NR6A1: variants seen among roughly 807,000 people sequenced by gnomAD.
The protein encoded by NR6A1 is nuclear receptor subfamily 6 group A member 1.
In NR6A1, 7 loss-of-function variants were observed where a neutral mutation model predicts 59.1. The ratio of observed to expected loss-of-function variants is 0.12; its 90% CI spans 0.07 to 0.22. The LOEUF (loss-of-function observed/expected upper bound fraction) is 0.22. Among genes scored for constraint, NR6A1 ranks in the 10% least tolerant of loss-of-function variants. The probability of loss-of-function intolerance (pLI) is 1.00; values close to 1 mark genes in which losing one functional copy is unlikely to be tolerated. For synonymous variants in NR6A1, 243 were observed against 236.1 expected, an observed-to-expected ratio of 1.03 and a Z score of -0.27; for missense variants, 468 against 611.6, an observed-to-expected ratio of 0.77 and a Z score of 2.48.
chr9:124,743,720 G>C (rs1030080576), intron 1 of NR6A1, among the ~76,000 whole-genome samples: 6 of 152,188 alleles, frequency 3.9e-5, no homozygotes, highest in African/African-American at 1.4e-4. Context: ...AGCTTTCAAG[G>C]CTGTAGCTAT....
chr9:124,540,075 G>A lies in NR6A1; in HGVS notation c.554C>T (p.Ser185Leu), dbSNP rs1307592616. Residue 185 changes from serine (S) to leucine (L), a missense_variant, in exon 5 of 10, where the codon TCG becomes TTG. Physicochemically the swap from Ser to Leu is moderately radical, Grantham distance 145. Around this residue, in one of 4 missense-constraint regions of NR6A1, gnomAD observed 151 missense variants for 142.8 expected, o/e 1.06. Transcript: ENST00000487099. ...SDHSSPGNRA[S>L]ESNQPSPGST... is the part of the protein sequence containing the mutation. ...GCCTGGTGAGGGCTGGTTGCTCTCCGAAGCCCTGTTCCCAGGGGAACTGTG... is the reference window on the plus strand; with the variant it reads ...GCCTGGTGAGGGCTGGTTGCTCTCCAAAGCCCTGTTCCCAGGGGAACTGTG... 4.3e-6 allele frequency: 7 copies of A among 1,611,160 alleles called. No homozygotes were observed. Among genetic ancestry groups the A allele is most frequent in the South Asian group, 3.3e-5 (3 of 90,670 alleles).
chr9:124,758,514 T>C (rs1840699346), intron 1 of NR6A1, among the ~76,000 whole-genome samples: 1 of 152,154 alleles, frequency 6.6e-6, no homozygotes, highest in African/African-American at 2.4e-5. Context: ...CAAATGAAAC[T>C]GTACTCAAAA....
At chr9:124,732,800 G>A (rs1477715182) in intron 2 of NR6A1, among the ~76,000 whole-genome samples, 1 of 151,772 alleles carries the variant, frequency 6.6e-6, no homozygotes, top group Non-Finnish European at 1.5e-5. Flanking sequence ...GGGTTCAAGC[G>A]ATTCTTCAGC....
chr9:124,694,272 T>C (rs1245450630), intron 2 of NR6A1, among the ~76,000 whole-genome samples: 1 of 152,192 alleles, frequency 6.6e-6, no homozygotes, highest in Non-Finnish European at 1.5e-5. Flanking sequence ...GATAAATAGC[T>C]GTAATTTTGC....
chr9:124,692,072 T>C (rs909104388), intron 2 of NR6A1, among the ~76,000 whole-genome samples: 15 of 152,186 alleles, frequency 9.9e-5, no homozygotes, highest in Non-Finnish European at 2.2e-4. Context: ...TCAAGTTTTT[T>C]CATCAGGAAA....
intron 2 of NR6A1, among the ~76,000 whole-genome samples, chr9:124,597,955 T>A (rs1564195591): frequency 6.6e-6 from 1 of 152,154 alleles, no homozygotes; most frequent in African/African-American, 2.4e-5. Flanking sequence ...TCCTCCCGCA[T>A]GAGCCTCCCA....
In NR6A1 at chr9:124,685,361, G is replaced by A. The variant is rs116688783; in HGVS notation, c.142+47947C>T. On this transcript the variant is annotated intron_variant, in intron 2 of 9. Transcript: ENST00000487099. ...GTTGGGGGAGACAGGGTCTCACTCC[G>A]TCGCCCAGGCTGGAGTGCAGTTGCA... Among the ~76,000 whole-genome samples the A allele has an allele frequency of 1.3e-3, 196 of 152,286 alleles. 1 individual carries two copies. The highest frequency in any genetic ancestry group is 4.5e-3 in the African/African-American group (187 of 41,562).
intron 2 of NR6A1, among the ~76,000 whole-genome samples, chr9:124,609,528 G>C (rs1835679631): frequency 6.6e-6 from 1 of 152,176 alleles, no homozygotes; most frequent in Non-Finnish European, 1.5e-5. Context: ...AGTCTAGTTT[G>C]AAGTCAGGTA....
Position 124,518,241 on chromosome 9 carries a change from G to C in NR6A1, c.*4464C>G, listed in dbSNP as rs1832729733. The C allele has an allele frequency of 6.7e-6, 1 of 149,114 alleles. No homozygotes were observed. Among genetic ancestry groups the C allele is most frequent in the African/African-American group, 2.5e-5 (1 of 40,142 alleles). 9.2% of individuals were successfully genotyped at this position (149,114 alleles called of 1,614,324 possible). A position where few individuals can be genotyped will look rare whatever the true frequency, so the allele number is the denominator to read the frequency against. On this transcript the variant is annotated 3_prime_UTR_variant, in exon 10 of 10. Transcript: ENST00000487099. ...TAGATGGGAACTGGGCTAGACAGAG[G>C]GACCAGGCTTCTATGAGCGGGGAGA...
intron 3 of NR6A1, among the ~76,000 whole-genome samples, chr9:124,550,375 ATTTTTTTTTTTTT>A (rs58594452): frequency 8.5e-6 from 1 of 117,600 alleles, no homozygotes; most frequent in Non-Finnish European, 1.7e-5. Context: ...CTAATGGTGA[ATTTTTTTTTTTTT>A]TTTTTTTTTT....
At chr9:124,660,648 C>CAAAAAAAAAA (rs753242760) in intron 2 of NR6A1, among the ~76,000 whole-genome samples, 3 of 92,814 alleles carry the variant, frequency 3.2e-5, no homozygotes, top group Non-Finnish European at 4.3e-5. Flanking sequence ...TCTGAGAATA[C>CAAAAAAAAAA]AAAAAAAAAA....
rs144544507 is a variant in NR6A1, at chr9:124,587,329, C to T, written c.143-32759G>A. 2.6e-5 allele frequency among the ~76,000 whole-genome samples: 4 copies of T among 152,254 alleles called. No individual in the cohort carries two copies. In the East Asian group the frequency reaches 7.7e-4, roughly 29 times the overall value. On this transcript the variant is annotated intron_variant, in intron 2 of 9. Transcript: ENST00000487099. ...TTTATTGTAGTGGTCTGGAACCAAA[C>T]TCGCAATATCTCTGAGGTATGCCTA... is the stretch of plus-strand genomic sequence containing the variant.
rs758100397 is a variant in NR6A1 at position 124,540,087 on chromosome 9, C to T, written c.542G>A (p.Gly181Glu). The T allele has an allele frequency of 1.1e-5, 18 of 1,613,320 alleles. No individual in the cohort carries two copies. The Admixed American group carries it at 1.5e-4, about 13-fold the overall frequency. ...CTGGTTGCTCTCCGAAGCCCTGTTC[C>T]CAGGGGAACTGTGGTCACTATCACC... ...NHGDSDHSSPGNRASESNQPS... is the reference protein window; with the variant it reads ...NHGDSDHSSPENRASESNQPS... Residue 181 changes from glycine (G) to glutamate (E), a missense_variant, in exon 5 of 10, where the codon GGG becomes GAG. Gly to Glu is a moderately conservative substitution (Grantham distance 98). Transcript: ENST00000487099.
At chr9:124,690,785 A>G (rs1838514931) in intron 2 of NR6A1, among the ~76,000 whole-genome samples, 2 of 152,196 alleles carry the variant, frequency 1.3e-5, no homozygotes, top group Non-Finnish European at 2.9e-5. Context: ...AACTCACTTA[A>G]AAAACCCAAA....
chr9:124,540,096 C>T lies in NR6A1; in HGVS notation c.533G>A (p.Ser178Asn), dbSNP rs1397296200. 2 of 1,613,162 alleles carry T rather than the reference C, an allele frequency of 1.2e-6. No individual in the cohort carries two copies. ...HWSNHGDSDH[S>N]SPGNRASESN... is the part of the protein sequence containing the mutation. ...CTCCGAAGCCCTGTTCCCAGGGGAA[C>T]TGTGGTCACTATCACCATGGTTGCT... Residue 178 changes from serine to asparagine, a missense_variant, in exon 5 of 10, where the codon AGT becomes AAT. Coordinates refer to ENST00000487099, the MANE Select transcript of NR6A1 (RefSeq NM_033334.4).
intron 2 of NR6A1, among the ~76,000 whole-genome samples, chr9:124,610,650 G>T (rs746742392): frequency 9.9e-5 from 15 of 152,138 alleles, no homozygotes; most frequent in Non-Finnish European, 2.2e-4. Flanking sequence ...CTTTTCAATT[G>T]TTTGGAATAG....
chr9:124,725,522 T>G (rs1839687840), intron 2 of NR6A1, among the ~76,000 whole-genome samples: 1 of 152,216 alleles, frequency 6.6e-6, no homozygotes, highest in Non-Finnish European at 1.5e-5. Flanking sequence ...AACTGGAAAT[T>G]AGCAACGAAG....
At chr9:124,567,803 A>G (rs897055618) in intron 2 of NR6A1, among the ~76,000 whole-genome samples, 3 of 149,374 alleles carry the variant, frequency 2.0e-5, no homozygotes, top group Middle Eastern at 3.3e-3. Context: ...GGCAGCAAAG[A>G]TTCAAGCAGA....
intron 3 of NR6A1, among the ~76,000 whole-genome samples, chr9:124,546,443 CTTAATTA>C (rs534918097): frequency 1.3e-3 from 200 of 152,284 alleles, no homozygotes; most frequent in Non-Finnish European, 2.2e-3. Flanking sequence ...ATTATACATT[CTTAATTA>C]TTAATTATTC....
Sources: gnomAD v4.1 joint callset for allele counts (sites outside exome capture counted in the v4.1 genomes callset) on GRCh38, gnomAD v4.1.1 for gene constraint, gnomAD v4.1.1 regional missense constraint, MANE v1.5 for transcripts, NCBI Gene and HGNC (gene_info 2026-07-23, HGNC 2026-07-21) for gene names.